Variants in ERBB4 observed in about 807,000 individuals in gnomAD.
The protein encoded by ERBB4 is erb-b2 receptor tyrosine kinase 4, also known as receptor tyrosine-protein kinase erbB-4.
Under a neutral mutation model 158.0 loss-of-function variants are expected in ERBB4, and 42 were observed. The ratio of observed to expected loss-of-function variants is 0.27; its 90% CI spans 0.21 to 0.34. ERBB4 has a LOEUF of 0.34. Ranked by LOEUF, ERBB4 falls within the 10% of genes least tolerant of loss-of-function variation. The probability of loss-of-function intolerance (pLI) is 1.00; values close to 1 mark genes in which losing one functional copy is unlikely to be tolerated. For synonymous variants in ERBB4, 583 were observed against 558.7 expected, an observed-to-expected ratio of 1.04 and a Z score of -0.61; for missense variants, 1,333 against 1,624.1, an observed-to-expected ratio of 0.82 and a Z score of 3.08.
chr2:212,264,615 G>T (rs1453067580), intron 1 of ERBB4, among the ~76,000 whole-genome samples: 1 of 151,796 alleles, frequency 6.6e-6, no homozygotes, highest in Admixed American at 6.6e-5. Context: ...AAACTATCAT[G>T]ATTACATTAA....
intron 1 of ERBB4, chr2:212,426,410 C>G (rs369259404): frequency 1.6e-4 from 71 of 432,290 alleles, no homozygotes; most frequent in African/African-American, 1.5e-3. Context: ...ACATTTTCTT[C>G]TAAATGTATA....
At chr2:211,973,717 A>C (rs1184823782) in intron 2 of ERBB4, among the ~76,000 whole-genome samples, 1 of 152,204 alleles carries the variant, frequency 6.6e-6, no homozygotes, top group Non-Finnish European at 1.5e-5. Context: ...TCAACCCAGC[A>C]ATCCCATGAC....
chr2:211,656,700 T>G (rs2071230710), intron 16 of ERBB4, among the ~76,000 whole-genome samples: 1 of 152,220 alleles, frequency 6.6e-6, no homozygotes, highest in African/African-American at 2.4e-5. Context: ...TTTTCCAGAA[T>G]GCCATGTGAA....
At chr2:212,267,190 G>C (rs887333060) in intron 1 of ERBB4, among the ~76,000 whole-genome samples, 4 of 151,970 alleles carry the variant, frequency 2.6e-5, no homozygotes, top group Non-Finnish European at 5.9e-5. Context: ...AAATTGAAGA[G>C]CTGCTTTGTG....
intron 3 of ERBB4, among the ~76,000 whole-genome samples, chr2:211,896,556 T>C (rs548880745): frequency 7.6e-4 from 115 of 152,294 alleles, no homozygotes; most frequent in African/African-American, 2.6e-3. Flanking sequence ...TTCTACCTTT[T>C]CTTCCCAGGA....
chr2:212,004,264 G>A (rs1168764254), intron 2 of ERBB4, among the ~76,000 whole-genome samples: 3 of 152,116 alleles, frequency 2.0e-5, no homozygotes, highest in Non-Finnish European at 4.4e-5. Context: ...AGTATTTTGA[G>A]ACATCAAGTT....
At chr2:212,412,412 A>G (rs146448669) in intron 1 of ERBB4, among the ~76,000 whole-genome samples, 3,360 of 152,178 alleles carry the variant, frequency 0.022, 97 homozygotes, top group South Asian at 0.051. Flanking sequence ...ATCCTAAAGT[A>G]TGTGGTACCT....
intron 1 of ERBB4, among the ~76,000 whole-genome samples, chr2:212,188,486 C>CT (rs1266001758): frequency 6.6e-6 from 1 of 151,740 alleles, no homozygotes; most frequent in African/African-American, 2.4e-5. Context: ...AACCAGAATG[C>CT]TTTTTAAAAA....
chr2:211,550,707 AATATATATAT>A (rs139062710), intron 20 of ERBB4, among the ~76,000 whole-genome samples: 46 of 137,144 alleles, frequency 3.4e-4, no homozygotes, highest in African/African-American at 1.1e-3. Context: ...TATATATAGG[AATATATATAT>A]ATATATATAT....
At chr2:211,784,798 G>A (rs2076117693) in intron 4 of ERBB4, among the ~76,000 whole-genome samples, 2 of 151,882 alleles carry the variant, frequency 1.3e-5, no homozygotes, top group South Asian at 4.2e-4. Flanking sequence ...CTAATAAGTG[G>A]GAGACAATAT....
chr2:211,492,895 T>C (rs2065379848), intron 20 of ERBB4, among the ~76,000 whole-genome samples: 1 of 152,160 alleles, frequency 6.6e-6, no homozygotes, highest in Non-Finnish European at 1.5e-5. Flanking sequence ...ATCAAGTCAC[T>C]AAGTTCGACT....
chr2:211,713,654 T>C lies in ERBB4; in HGVS notation c.884-6A>G, dbSNP rs1239981241. ...GGAATCTACCACAAAGTTATCTGAT[T>C]AAAAAAAAAAAAAAGGTAAAATAAG... On this transcript the variant is annotated splice_region_variant and splice_polypyrimidine_tract_variant and intron_variant, in intron 7 of 27. Coordinates refer to ENST00000342788, the MANE Select transcript of ERBB4 (RefSeq NM_005235.3). The C allele has an allele frequency of 8.0e-6, 10 of 1,248,174 alleles. No homozygotes were observed. The highest frequency in any genetic ancestry group is 1.9e-5 in the Admixed American group (1 of 53,322). 77.3% of individuals were successfully genotyped at this position (1,248,174 alleles called of 1,614,324 possible).
chr2:211,691,399 CT>C (rs1372016549), intron 12 of ERBB4, among the ~76,000 whole-genome samples: 1 of 152,084 alleles, frequency 6.6e-6, no homozygotes, highest in Non-Finnish European at 1.5e-5. Context: ...AAGCATATCC[CT>C]GTGTTTATTT....
intron 1 of ERBB4, among the ~76,000 whole-genome samples, chr2:212,369,780 A>G (rs1034233683): frequency 1.8e-4 from 28 of 151,978 alleles, no homozygotes; most frequent in African/African-American, 6.8e-4. Context: ...GCAGCCTGGA[A>G]ATTGTGGGCT....
At chr2:211,789,984 G>A (rs979858154) in intron 3 of ERBB4, among the ~76,000 whole-genome samples, 4 of 151,202 alleles carry the variant, frequency 2.6e-5, no homozygotes, top group Non-Finnish European at 5.9e-5. Context: ...CCATTTTGTC[G>A]GTGAGGAAAA....
intron 20 of ERBB4, among the ~76,000 whole-genome samples, chr2:211,470,446 T>C (rs1443871450): frequency 1.3e-5 from 2 of 152,130 alleles, no homozygotes; most frequent in African/African-American, 2.4e-5. Context: ...GCAGATATCA[T>C]GTCAAGGAAG....
intron 1 of ERBB4, among the ~76,000 whole-genome samples, chr2:212,531,659 A>G (rs558507541): frequency 3.5e-4 from 53 of 152,248 alleles, no homozygotes; most frequent in African/African-American, 1.2e-3. Flanking sequence ...CATTCATAGT[A>G]CTTATTTTAA....
At chr2:212,097,985 T>C (rs1193131840) in intron 2 of ERBB4, among the ~76,000 whole-genome samples, 1 of 152,150 alleles carries the variant, frequency 6.6e-6, no homozygotes, top group Non-Finnish European at 1.5e-5. Context: ...TTGAGGGGAA[T>C]TCTCTGATTT....
chr2:211,380,730 A>C lies in ERBB4; in HGVS notation c.*2885T>G, dbSNP rs2062560831. The C allele has an allele frequency of 4.3e-6, 1 of 231,992 alleles. No individual in the cohort carries two copies. Among genetic ancestry groups the C allele is most frequent in the Admixed American group, 5.6e-5 (1 of 17,722 alleles). 14.4% of individuals were successfully genotyped at this position (231,992 alleles called of 1,614,324 possible). A position where few individuals can be genotyped will look rare whatever the true frequency, so the allele number is the denominator to read the frequency against. On this transcript the variant is annotated 3_prime_UTR_variant, in exon 28 of 28. Transcript: ENST00000342788. ...GAATTATAAAGTGGTGCTATTATAA[A>C]GCATTTGGGTCATTTTGGATTATTC...
Sources: gnomAD v4.1 joint callset for allele counts (sites outside exome capture counted in the v4.1 genomes callset) on GRCh38, gnomAD v4.1.1 for gene constraint, MANE v1.5 for transcripts, NCBI Gene and HGNC (gene_info 2026-07-23, HGNC 2026-07-21) for gene names.